Variants in TSPEAR observed in about 807,000 individuals in gnomAD.
TSPEAR encodes thrombospondin type laminin G domain and EAR repeats.
A neutral mutation model predicts 71.6 loss-of-function variants in TSPEAR; 69 were observed. The ratio of observed to expected loss-of-function variants is 0.96; its 90% CI spans 0.79 to 1.18. The LOEUF is 1.18. Among genes scored for constraint, TSPEAR ranks in the 50% most tolerant of loss-of-function variants. TSPEAR has a pLI of 0.00. For missense variants in TSPEAR, 971 were observed against 894.9 expected, an observed-to-expected ratio of 1.09 and a Z score of -1.09; for synonymous variants, 402 against 387.2, an observed-to-expected ratio of 1.04 and a Z score of -0.45.
chr21:44,566,809 A>G (rs1427480001), intron 2 of TSPEAR, among the ~76,000 whole-genome samples: 2 of 152,324 alleles, frequency 1.3e-5, no homozygotes, highest in East Asian at 3.8e-4. Context: ...CTGAATATCT[A>G]TATACAAAAG....
chr21:44,546,075 G>A lies in TSPEAR; in HGVS notation c.304-12152C>T, dbSNP rs1043263776. On this transcript the variant is annotated intron_variant, in intron 2 of 11. Transcript: ENST00000323084. The surrounding 1 kb of genome is among the most constrained non-coding windows in gnomAD (Gnocchi z 4.4). Reference sequence around the variant, plus strand: ...ATGACAGATTCAAATAATTAAAATCGTAAATGAAAATGGGAATATCACTAC... The same window carrying A: ...ATGACAGATTCAAATAATTAAAATCATAAATGAAAATGGGAATATCACTAC... Among the ~76,000 whole-genome samples the A allele has an allele frequency of 3.3e-5, 5 of 152,062 alleles. No individual in the cohort carries two copies. Among genetic ancestry groups the A allele is most frequent in the South Asian group, 2.1e-4 (1 of 4,828 alleles).
At chr21:44,549,410 C>A (rs2146024888) in intron 2 of TSPEAR, among the ~76,000 whole-genome samples, 1 of 152,336 alleles carries the variant, frequency 6.6e-6, no homozygotes, top group Middle Eastern at 3.4e-3. Flanking sequence ...TCAGGGCCAT[C>A]CACCTGGCGT....
intron 9 of TSPEAR, among the ~76,000 whole-genome samples, chr21:44,514,200 G>A (rs2052484902): frequency 1.3e-5 from 2 of 152,216 alleles, no homozygotes; most frequent in Admixed American, 1.3e-4. Flanking sequence ...TGACAGATGT[G>A]CAGATGGAGA....
intron 2 of TSPEAR, chr21:44,558,226 G>C (rs1185161384): frequency 1.9e-6 from 3 of 1,613,276 alleles, no homozygotes; most frequent in Non-Finnish European, 2.5e-6. Context: ...CTGCACACGG[G>C]GCGGCAGAGG....
At chr21:44,592,082 A>C in intron 1 of TSPEAR, 2 of 1,516,800 alleles carry the variant, frequency 1.3e-6, no homozygotes, top group Non-Finnish European at 1.8e-6. Context: ...TGCTGGCAGC[A>C]TGAAGAATCC....
chr21:44,627,104 AACTC>A (rs1408602226), intron 1 of TSPEAR: 4 of 1,572,342 alleles, frequency 2.5e-6, no homozygotes, highest in Non-Finnish European at 3.5e-6. Flanking sequence ...CACACTCACA[AACTC>A]ACTCACTGAC....
At chr21:44,540,098 T>C in intron 2 of TSPEAR, 1 of 1,613,750 alleles carries the variant, frequency 6.2e-7, no homozygotes, top group Non-Finnish European at 8.5e-7. Context: ...GGCATCCACC[T>C]GCCAGGAGTC....
rs1987315783 is a variant in TSPEAR, at chr21:44,696,000, GCTGCCGAATGT to G, written c.82+15422_82+15432del. The stretch of plus-strand genomic sequence containing the variant: ...GGCTCTAGAGTCCTCAACCACAAAG[GCTGCCGAATGT>G]CTTCTTCTCAAAATTAAAAACAATT... On this transcript the variant is annotated intron_variant, in intron 1 of 11. Transcript: ENST00000323084. The surrounding 1 kb of genome is among the most constrained non-coding windows in gnomAD (Gnocchi z 4.5). Among the ~76,000 whole-genome samples the G allele has an allele frequency of 6.6e-6, 1 of 152,132 alleles. No homozygotes were observed. The highest frequency in any genetic ancestry group is 2.1e-4 in the South Asian group (1 of 4,814).
chr21:44,561,117 A>T (rs2053626799), intron 2 of TSPEAR, among the ~76,000 whole-genome samples: 1 of 152,190 alleles, frequency 6.6e-6, no homozygotes, highest in Non-Finnish European at 1.5e-5. Flanking sequence ...AGAGGGAAGA[A>T]TCAAATAGAT....
At position 44,620,407 on chromosome 21, in the gene TSPEAR, T is replaced by C. The variant is rs587763348; in HGVS notation, c.83-52402A>G. Among the ~76,000 whole-genome samples, 6 of 152,390 alleles carry C rather than the reference T, an allele frequency of 3.9e-5. No individual in the cohort carries two copies. The South Asian group carries it at 1.2e-3, about 32-fold the overall frequency. ...AGCAAAGGTAGCCATGTTGGTAGTT[T>C]GTATGTTTATAGGAGTTTTTCCATT... On this transcript the variant is annotated intron_variant, in intron 1 of 11. Transcript: ENST00000323084.
chr21:44,523,380 C>T (rs114241371), intron 8 of TSPEAR, among the ~76,000 whole-genome samples: 249 of 150,888 alleles, frequency 1.7e-3, no homozygotes, highest in African/African-American at 5.8e-3. Flanking sequence ...GTAAGGTAGT[C>T]AGTTGGTCAG....
chr21:44,501,884 C>T (rs1226730991), intron 11 of TSPEAR, among the ~76,000 whole-genome samples: 1 of 152,178 alleles, frequency 6.6e-6, no homozygotes, highest in African/African-American at 2.4e-5. Flanking sequence ...TTCAGACTAT[C>T]CCAGTCCACA....
intron 2 of TSPEAR, chr21:44,551,074 C>T (rs1362817116): frequency 4.4e-6 from 7 of 1,608,144 alleles, no homozygotes; most frequent in Non-Finnish European, 4.3e-6. Flanking sequence ...GCACAGCAAG[C>T]TGGCTGGCAG....
intron 1 of TSPEAR, among the ~76,000 whole-genome samples, chr21:44,651,486 G>A (rs782581676): frequency 8.5e-5 from 13 of 152,080 alleles, no homozygotes; most frequent in Non-Finnish European, 1.2e-4. Flanking sequence ...GGGTTCCTTC[G>A]GGAGGCTGCA....
chr21:44,566,355 T>G (rs1467831063), intron 2 of TSPEAR, among the ~76,000 whole-genome samples: 1 of 152,180 alleles, frequency 6.6e-6, no homozygotes, highest in Non-Finnish European at 1.5e-5. Flanking sequence ...TTAAGGAAGA[T>G]GTAAACAATG....
intron 1 of TSPEAR, among the ~76,000 whole-genome samples, chr21:44,709,630 G>T (rs923243121): frequency 7.2e-5 from 11 of 152,266 alleles, no homozygotes; most frequent in Admixed American, 7.2e-4. Context: ...GCTCCACGCC[G>T]TGGGCACAGA....
intron 1 of TSPEAR, among the ~76,000 whole-genome samples, chr21:44,606,826 C>T (rs1981345285): frequency 6.6e-6 from 1 of 152,078 alleles, no homozygotes; most frequent in Non-Finnish European, 1.5e-5. Context: ...AACTTAGAAA[C>T]AGAGAGCAGA....
At chr21:44,669,742 T>C (rs1227236014) in intron 1 of TSPEAR, among the ~76,000 whole-genome samples, 1 of 152,212 alleles carries the variant, frequency 6.6e-6, no homozygotes, top group African/African-American at 2.4e-5. Context: ...GTGGCGTGCC[T>C]TGTTGGGATG....
intron 8 of TSPEAR, among the ~76,000 whole-genome samples, chr21:44,522,388 G>A (rs2052753673): frequency 6.6e-6 from 1 of 152,170 alleles, no homozygotes; most frequent in Non-Finnish European, 1.5e-5. Context: ...TGGCCTCCCC[G>A]TGTCCTGGAG....
Sources: gnomAD v4.1 joint callset for allele counts (sites outside exome capture counted in the v4.1 genomes callset) on GRCh38, gnomAD v4.1.1 for gene constraint, Gnocchi (gnomAD v3.1) non-coding constraint, MANE v1.5 for transcripts, NCBI Gene and HGNC (gene_info 2026-07-23, HGNC 2026-07-21) for gene names.